The following DAB1 variants were observed in gnomAD, a reference collection of about 807,000 sequenced individuals.
DAB1 encodes DAB adaptor protein 1, also known as disabled homolog 1.
In DAB1, 15 loss-of-function variants were observed where a neutral mutation model predicts 64.6. The ratio of observed to expected loss-of-function variants is 0.23; its 90% CI spans 0.16 to 0.36. The LOEUF is 0.36. Ranked by LOEUF, DAB1 falls within the 10% of genes least tolerant of loss-of-function variation. The pLI is 1.00. For missense variants in DAB1, 596 were observed against 706.7 expected (o/e 0.84, Z 1.78); for synonymous variants, 235 against 251.9 (o/e 0.93, Z 0.64).
chr1:58,420,766 G>A (rs568371085), intron 3 of DAB1, among the ~76,000 whole-genome samples: 136 of 152,194 alleles, frequency 8.9e-4, no homozygotes, highest in Non-Finnish European at 1.6e-3. Flanking sequence ...GAGAGCAGAT[G>A]GTCATTTTCT....
chr1:57,368,347 G>A (rs1173885121), intron 1 of DAB1, among the ~76,000 whole-genome samples: 1 of 152,208 alleles, frequency 6.6e-6, no homozygotes, highest in Non-Finnish European at 1.5e-5. Context: ...GCCAGGGAGG[G>A]GCTGAAGGAT....
chr1:58,300,605 A>G (rs1383068350), intron 4 of DAB1, among the ~76,000 whole-genome samples: 15 of 34,434 alleles, frequency 4.4e-4, no homozygotes, highest in African/African-American at 1.2e-3. Flanking sequence ...AGAAAGAAAG[A>G]AAGAAAGAGA....
At chr1:57,790,019 C>T (rs1321098563) in intron 6 of DAB1, among the ~76,000 whole-genome samples, 2 of 152,260 alleles carry the variant, frequency 1.3e-5, no homozygotes, top group East Asian at 3.9e-4. Flanking sequence ...CAGGAGGCAC[C>T]AACGGACCAT....
At chr1:58,049,368 G>T in intron 5 of DAB1, 1 of 594,634 alleles carries the variant, frequency 1.7e-6, no homozygotes. Flanking sequence ...GCTGACGAAT[G>T]TATCTTAACC....
intron 1 of DAB1, among the ~76,000 whole-genome samples, chr1:57,422,574 C>A (rs1052058778): frequency 6.6e-6 from 1 of 151,896 alleles, no homozygotes; most frequent in African/African-American, 2.4e-5. Flanking sequence ...CGCGTCGCGG[C>A]GCTCTCCACT....
intron 9 of DAB1, among the ~76,000 whole-genome samples, chr1:57,052,171 G>A (rs530767202): frequency 5.6e-4 from 85 of 152,018 alleles, no homozygotes; most frequent in African/African-American, 1.9e-3. Context: ...ATCAAGAGCC[G>A]AGGCTGTCCA....
chr1:58,398,811 G>A (rs1349722533), intron 3 of DAB1, among the ~76,000 whole-genome samples: 1 of 152,182 alleles, frequency 6.6e-6, no homozygotes, highest in Non-Finnish European at 1.5e-5. Context: ...CTATACAGGG[G>A]TGAATGGAAA....
At chr1:58,086,630 A>G (rs1343356547) in intron 5 of DAB1, among the ~76,000 whole-genome samples, 1 of 151,794 alleles carries the variant, frequency 6.6e-6, no homozygotes, top group Non-Finnish European at 1.5e-5. Flanking sequence ...CCCTCTGGCC[A>G]TCATGCCCCA....
intron 3 of DAB1, among the ~76,000 whole-genome samples, chr1:58,346,261 C>A (rs1643996629): frequency 6.6e-6 from 1 of 152,226 alleles, no homozygotes; most frequent in South Asian, 2.1e-4. Flanking sequence ...TGTGCCATCA[C>A]CCACTGAACT....
intron 7 of DAB1, among the ~76,000 whole-genome samples, chr1:57,476,609 C>T (rs1047228571): frequency 2.6e-5 from 4 of 152,162 alleles, no homozygotes; most frequent in Admixed American, 2.0e-4. Context: ...TTAACAAGTG[C>T]TTTCAGCGTG....
Position 58,536,731 on chromosome 1 carries a change from T to C in DAB1, n.33-9396A>G, listed in dbSNP as rs559703243. The C allele has an allele frequency of 3.4e-6, 3 of 872,152 alleles. No homozygotes were observed. In the African/African-American group the frequency reaches 4.9e-5, roughly 14 times the overall value. The allele number at this position is 872,152 out of a possible 1,614,324, so 54.0% of individuals were successfully genotyped here. On this transcript the variant is annotated intron_variant and non_coding_transcript_variant, in intron 1 of 20. Transcript: ENST00000485760. ...TTAGGAGGAAGTGCCTGCCACCATT[T>C]CCTTATGCCCCTAAAGCAAAAAGAA...
chr1:57,373,474 C>T (rs967056039), intron 1 of DAB1, among the ~76,000 whole-genome samples: 12 of 152,056 alleles, frequency 7.9e-5, no homozygotes, highest in African/African-American at 2.9e-4. Context: ...CCCCTACCTG[C>T]CCCCTCAAAG....
intron 1 of DAB1, among the ~76,000 whole-genome samples, chr1:57,388,593 A>T (rs74074978): frequency 0.014 from 2,156 of 152,186 alleles, 22 homozygotes; most frequent in African/African-American, 0.022. Flanking sequence ...GCTCCGTTGC[A>T]CTTCCAATTG....
chr1:57,803,363 G>C (rs1651216771), intron 6 of DAB1, among the ~76,000 whole-genome samples: 1 of 152,218 alleles, frequency 6.6e-6, no homozygotes, highest in African/African-American at 2.4e-5. Context: ...ACCTGTTAAA[G>C]GGGGAGTTAA....
chr1:57,430,612 C>T (rs1436552651), intron 7 of DAB1, among the ~76,000 whole-genome samples: 5 of 151,942 alleles, frequency 3.3e-5, no homozygotes, highest in East Asian at 1.9e-4. Flanking sequence ...CTCCTGACCT[C>T]GTGATCCGCC....
intron 7 of DAB1, among the ~76,000 whole-genome samples, chr1:57,459,305 T>C (rs767581275): frequency 2.4e-4 from 36 of 152,212 alleles, no homozygotes; most frequent in Non-Finnish European, 4.6e-4. Flanking sequence ...AAAACCATCC[T>C]ATCATATATG....
intron 4 of DAB1, among the ~76,000 whole-genome samples, chr1:58,266,945 C>T (rs546468597): frequency 2.0e-5 from 3 of 151,946 alleles, no homozygotes; most frequent in Admixed American, 6.6e-5. Context: ...GTAGGCTGGG[C>T]GCGGTGGCTC....
At chr1:57,726,075 C>T (rs1647206046) in intron 6 of DAB1, among the ~76,000 whole-genome samples, 1 of 152,144 alleles carries the variant, frequency 6.6e-6, no homozygotes, top group Non-Finnish European at 1.5e-5. Flanking sequence ...TCAGTAATCT[C>T]CCATTGAACT....
chr1:58,513,887 C>T (rs139662617), intron 2 of DAB1, among the ~76,000 whole-genome samples: 4 of 152,284 alleles, frequency 2.6e-5, no homozygotes, highest in African/African-American at 9.6e-5. Flanking sequence ...GCTCAAACAG[C>T]TAGTAAGTGA....
Sources: gnomAD v4.1 joint callset for allele counts (sites outside exome capture counted in the v4.1 genomes callset) on GRCh38, gnomAD v4.1.1 for gene constraint, MANE v1.5 for transcripts, NCBI Gene and HGNC (gene_info 2026-07-23, HGNC 2026-07-21) for gene names.